SLC6A2: variants seen among roughly 807,000 people sequenced by gnomAD.
SLC6A2 encodes solute carrier family 6 member 2.
In SLC6A2, 26 loss-of-function variants were observed where a neutral mutation model predicts 71.7. That is an observed-to-expected ratio of 0.36 (90% confidence interval 0.27 to 0.50). The LOEUF is 0.50. Among genes scored for constraint, SLC6A2 ranks in the 20% least tolerant of loss-of-function variants. SLC6A2 has a pLI of 0.96. For synonymous variants in SLC6A2, 363 were observed against 337.9 expected (o/e 1.07, Z -0.82); for missense variants, 581 against 803.9 (o/e 0.72, Z 3.35).
At chr16:55,676,457 T>C (rs1049485865) in intron 4 of SLC6A2, among the ~76,000 whole-genome samples, 15 of 152,212 alleles carry the variant, frequency 9.9e-5, no homozygotes, top group Non-Finnish European at 1.9e-4. Flanking sequence ...CAACTATTAC[T>C]GCACAGAGCC....
Position 55,703,443 on chromosome 16 carries a change from C to G in SLC6A2, c.*1097C>G. 1.0e-6 allele frequency: 1 copy of G among 985,366 alleles called. No individual in the cohort carries two copies. The highest frequency in any genetic ancestry group is 1.2e-6 in the Non-Finnish European group (1 of 829,940). The allele number at this position is 985,366 out of a possible 1,614,324, so 61.0% of individuals were successfully genotyped here. On this transcript the variant is annotated 3_prime_UTR_variant, in exon 15 of 15. Transcript: ENST00000568943. ...AAACTCTCATGCACTAGATGTGGCA[C>G]CTTGGAGGGCAGGGTGAGACAAGCA...
intron 13 of SLC6A2, among the ~76,000 whole-genome samples, chr16:55,700,645 GTC>G (rs1162943739): frequency 6.6e-6 from 1 of 152,106 alleles, no homozygotes; most frequent in African/African-American, 2.4e-5. Context: ...TCACTGTGAT[GTC>G]TCTGTCTAAG....
intron 5 of SLC6A2, among the ~76,000 whole-genome samples, chr16:55,690,815 G>C (rs910878800): frequency 1.3e-5 from 2 of 152,288 alleles, no homozygotes; most frequent in African/African-American, 4.8e-5. Context: ...TTCCCCCAGG[G>C]TATTTGAATA....
intron 9 of SLC6A2, among the ~76,000 whole-genome samples, chr16:55,697,432 T>C (rs1965833533): frequency 6.6e-6 from 1 of 152,178 alleles, no homozygotes; most frequent in Non-Finnish European, 1.5e-5. Context: ...AAGTGACCAC[T>C]TTGCTTGATC....
intron 5 of SLC6A2, among the ~76,000 whole-genome samples, chr16:55,691,233 GAGA>G (rs1965613263): frequency 5.6e-4 from 2 of 3,572 alleles, no homozygotes; most frequent in East Asian, 0.033. Flanking sequence ...GAGAGGGGGA[GAGA>G]GAGAGAGAGA....
chr16:55,694,033 G>C lies in SLC6A2; in HGVS notation c.942G>C (p.Gln314His), dbSNP rs765486927. The C allele has an allele frequency of 6.2e-7, 1 of 1,613,666 alleles. No homozygotes were observed. The highest frequency in any genetic ancestry group is 1.7e-5 in the Admixed American group (1 of 60,014). Residue 314 changes from glutamine (Q) to histidine (H), a missense_variant, in exon 7 of 15, where the codon CAG becomes CAC. This residue lies in a region of SLC6A2 where 334 missense variants were observed against 449.0 expected (regional missense o/e 0.74). Transcript: ENST00000568943. ...AGGTATGGATTGATGCCGCAACTCA[G>C]ATATTTTTTTCCTTGGGGGCTGGAT... ...EATVWIDAAT[Q>H]IFFSLGAGFG...
chr16:55,665,117 A>G (rs570912195), intron 2 of SLC6A2, among the ~76,000 whole-genome samples: 21 of 152,330 alleles, frequency 1.4e-4, no homozygotes, highest in African/African-American at 5.1e-4. Context: ...AAGTAGGGGC[A>G]GGGCAAACGG....
intron 4 of SLC6A2, among the ~76,000 whole-genome samples, chr16:55,680,945 C>T (rs1965252084): frequency 6.6e-6 from 1 of 152,052 alleles, no homozygotes. Context: ...CTTGATGACC[C>T]ACCCAACTCT....
At chr16:55,662,246 C>T (rs573006940) in intron 2 of SLC6A2, among the ~76,000 whole-genome samples, 1 of 152,314 alleles carries the variant, frequency 6.6e-6, no homozygotes, top group African/African-American at 2.4e-5. Flanking sequence ...AGTCCCAAAC[C>T]TAACTGCCTA....
At chr16:55,664,587 G>A (rs762976719) in intron 2 of SLC6A2, among the ~76,000 whole-genome samples, 2 of 152,172 alleles carry the variant, frequency 1.3e-5, no homozygotes, top group African/African-American at 2.4e-5. Flanking sequence ...TGAGTATAAT[G>A]ACAAGACATG....
rs575993109 is a variant in SLC6A2 at position 55,671,114 on chromosome 16, C to G, written c.407-824C>G. Among the ~76,000 whole-genome samples the G allele has an allele frequency of 7.9e-5, 12 of 152,210 alleles. No individual in the cohort carries two copies. The South Asian group carries it at 2.3e-3, about 29-fold the overall frequency. ...TGCTTGGGTTTCCCCAGAAGCAGTT[C>G]GGAGACAAGGATATAAGTGTAAAGA... On this transcript the variant is annotated intron_variant, in intron 3 of 14. Coordinates refer to ENST00000568943, the MANE Select transcript of SLC6A2 (RefSeq NM_001172501.3).
chr16:55,660,266 G>C (rs4784553), intron 2 of SLC6A2, among the ~76,000 whole-genome samples: 13,947 of 152,228 alleles, frequency 0.092, 776 homozygotes, highest in East Asian at 0.14. Flanking sequence ...AAGGGTGCAG[G>C]GGCAAGTTGG....
chr16:55,702,217 G>A, intron 14 of SLC6A2, 106 bp from the exon 15 acceptor site: 2 of 1,065,664 alleles, frequency 1.9e-6, no homozygotes, highest in Middle Eastern at 2.0e-4. Flanking sequence ...GTGAAGGAAG[G>A]GGGTGTTTTT....
chr16:55,706,087 G>C lies in SLC6A2; in HGVS notation c.*3741G>C, dbSNP rs1966093508. On this transcript the variant is annotated 3_prime_UTR_variant, in exon 15 of 15. Coordinates refer to ENST00000568943, the MANE Select transcript of SLC6A2 (RefSeq NM_001172501.3). ...TTGTGTCCTCTCTGTGTCATGGACTGTTCCAATGTCATGCAGATTTCTGTG... is the reference window on the plus strand; with the variant it reads ...TTGTGTCCTCTCTGTGTCATGGACTCTTCCAATGTCATGCAGATTTCTGTG... 2 of 152,264 alleles carry C rather than the reference G, an allele frequency of 1.3e-5. No homozygotes were observed. The highest frequency in any genetic ancestry group is 2.4e-5 in the African/African-American group (1 of 41,470). 9.4% of individuals were successfully genotyped at this position (152,264 alleles called of 1,614,324 possible).
chr16:55,696,457 A>G (rs1171115356), intron 9 of SLC6A2, 120 bp downstream of exon 9: 2 of 737,586 alleles, frequency 2.7e-6, no homozygotes, highest in Non-Finnish European at 5.0e-6. Context: ...AGTTGTTTCC[A>G]GAAGGCCCTA....
rs1408179075 is a variant in SLC6A2 at position 55,695,419 on chromosome 16, C to A, written c.1147+17C>A. 1 of 1,614,004 alleles carries A rather than the reference C, an allele frequency of 6.2e-7. No homozygotes were observed. The highest frequency in any genetic ancestry group is 2.2e-5 in the East Asian group (1 of 44,880). On this transcript the variant is annotated intron_variant, in intron 8 of 14. Transcript: ENST00000568943. Reference sequence around the variant, plus strand: ...CCACAGAAGGTGGGTGGGCAGCCCACCTGGGCCCCAGCCCACTGAGGCGGG... The same window carrying A: ...CCACAGAAGGTGGGTGGGCAGCCCAACTGGGCCCCAGCCCACTGAGGCGGG...
At chr16:55,699,179 A>G (rs1202234171) in intron 11 of SLC6A2, among the ~76,000 whole-genome samples, 1 of 152,206 alleles carries the variant, frequency 6.6e-6, no homozygotes, top group African/African-American at 2.4e-5. Flanking sequence ...CTCTCCTATC[A>G]GATTGAAGTC....
At chr16:55,672,271 T>C in intron 4 of SLC6A2, 96 bp downstream of exon 4, 1 of 1,604,980 alleles carries the variant, frequency 6.2e-7, no homozygotes, top group East Asian at 2.2e-5. Flanking sequence ...AGGAGACGCA[T>C]GCCGTCAGGA....
At chr16:55,699,772 A>AT (rs1965912680) in intron 12 of SLC6A2, 118 bp downstream of exon 12, 1 of 772,876 alleles carries the variant, frequency 1.3e-6, no homozygotes, top group African/African-American at 1.7e-5. Context: ...GGCCCTGGTC[A>AT]TGCAGAGGGG....
Sources: allele counts gnomAD v4.1 joint callset (sites outside exome capture counted in the v4.1 genomes callset), GRCh38; gene constraint gnomAD v4.1.1; regional missense constraint gnomAD v4.1.1; transcripts MANE v1.5; gene names NCBI Gene and HGNC (gene_info 2026-07-23, HGNC 2026-07-21).